MYO1D: variants seen among roughly 807,000 people sequenced by gnomAD.
MYO1D encodes unconventional myosin-Id.
A neutral mutation model predicts 122.0 loss-of-function variants in MYO1D; 83 were observed. That is an observed-to-expected ratio of 0.68 (90% CI 0.57 to 0.82). The LOEUF (loss-of-function observed/expected upper bound fraction) is 0.82, where lower values mean the gene tolerates loss of function less well. MYO1D is among the 40% of genes least tolerant of loss of function. The pLI is 0.00. For missense variants in MYO1D, 1,157 were observed against 1,269.5 expected, an observed-to-expected ratio of 0.91 and a Z score of 1.35; for synonymous variants, 464 against 446.9, an observed-to-expected ratio of 1.04 and a Z score of -0.48.
intron 21 of MYO1D, chr17:32,594,690 T>G: frequency 2.3e-6 from 1 of 432,386 alleles, no homozygotes; most frequent in Non-Finnish European, 4.1e-6. Context: ...TAAGGAGACA[T>G]CTATTCAGTT....
chr17:32,521,168 G>C (rs1039749818), intron 21 of MYO1D, among the ~76,000 whole-genome samples: 2 of 152,202 alleles, frequency 1.3e-5, no homozygotes, highest in African/African-American at 2.4e-5. Context: ...CCAGCAGGCT[G>C]TCTACTGATT....
chr17:32,509,482 C>T (rs1597864093), intron 21 of MYO1D, among the ~76,000 whole-genome samples: 1 of 152,270 alleles, frequency 6.6e-6, no homozygotes, highest in African/African-American at 2.4e-5. Flanking sequence ...AAACATGTTG[C>T]CATTTTTATG....
chr17:32,700,828 CAGCT>C (rs1218120319), intron 16 of MYO1D, among the ~76,000 whole-genome samples: 1 of 151,170 alleles, frequency 6.6e-6, no homozygotes, highest in African/African-American at 2.4e-5. Context: ...CCTGTAATAC[CAGCT>C]ACTTGGGAGG....
At chr17:32,667,584 A>G (rs2088653731) in intron 16 of MYO1D, among the ~76,000 whole-genome samples, 1 of 152,238 alleles carries the variant, frequency 6.6e-6, no homozygotes, top group Non-Finnish European at 1.5e-5. Context: ...AGAGCCACAC[A>G]CACACAAAAA....
chr17:32,708,845 T>A (rs776274596), intron 16 of MYO1D, among the ~76,000 whole-genome samples: 3 of 152,190 alleles, frequency 2.0e-5, no homozygotes, highest in African/African-American at 7.2e-5. Context: ...CCCTTCTCTT[T>A]TAGAATCTCT....
chr17:32,858,347 A>C (rs1248677400), intron 1 of MYO1D, among the ~76,000 whole-genome samples: 1 of 152,256 alleles, frequency 6.6e-6, no homozygotes, highest in Admixed American at 6.5e-5. Context: ...CAAATGCCCC[A>C]ATAAATGTCC....
At chr17:32,842,211 G>T (rs1250725672) in intron 1 of MYO1D, among the ~76,000 whole-genome samples, 1 of 151,728 alleles carries the variant, frequency 6.6e-6, no homozygotes, top group African/African-American at 2.4e-5. Flanking sequence ...TGGGAAGACA[G>T]GGATACAATG....
intron 8 of MYO1D, among the ~76,000 whole-genome samples, chr17:32,762,898 C>A (rs1195398259): frequency 1.0e-3 from 142 of 138,772 alleles, no homozygotes; most frequent in Middle Eastern, 3.9e-3. Context: ...AAAAAAAAGA[C>A]AAAAAAACGG....
chr17:32,787,653 G>A (rs1271225989), intron 1 of MYO1D, among the ~76,000 whole-genome samples: 2 of 152,070 alleles, frequency 1.3e-5, no homozygotes, highest in African/African-American at 2.4e-5. Flanking sequence ...TCTTGACCTC[G>A]TGATCTGCCA....
At chr17:32,643,517 C>T (rs1160648066) in intron 19 of MYO1D, among the ~76,000 whole-genome samples, 1 of 152,140 alleles carries the variant, frequency 6.6e-6, no homozygotes, top group Non-Finnish European at 1.5e-5. Context: ...CCTCCTTCTA[C>T]CTCTGGTAGC....
At chr17:32,698,243 T>G (rs1445511873) in intron 16 of MYO1D, among the ~76,000 whole-genome samples, 1 of 152,040 alleles carries the variant, frequency 6.6e-6, no homozygotes, top group Non-Finnish European at 1.5e-5. Flanking sequence ...TTTCTTTCTT[T>G]TCTCTTTTCT....
chr17:32,861,120 C>G lies in MYO1D; in HGVS notation c.95+15658G>C, dbSNP rs1016622057. ...GTCTCGCTCTGTTGCCCAGGCTGGA[C>G]TGCAGTGGCGCAACCTCAGCTCACT... On this transcript the variant is annotated intron_variant, in intron 1 of 21. Coordinates refer to ENST00000318217, the MANE Select transcript of MYO1D (RefSeq NM_015194.3). Among the ~76,000 whole-genome samples, 7 of 149,988 alleles carry G rather than the reference C, an allele frequency of 4.7e-5. No individual in the cohort carries two copies. In the East Asian group the frequency reaches 1.2e-3, roughly 25 times the overall value.
chr17:32,872,690 ATTT>A (rs780676467), intron 1 of MYO1D, among the ~76,000 whole-genome samples: 1 of 136,306 alleles, frequency 7.3e-6, no homozygotes, highest in Non-Finnish European at 1.6e-5. Flanking sequence ...ATCTAGGTCA[ATTT>A]TTTTTTTTTT....
intron 16 of MYO1D, among the ~76,000 whole-genome samples, chr17:32,662,086 G>A (rs1020013890): frequency 6.6e-6 from 1 of 152,054 alleles, no homozygotes; most frequent in Non-Finnish European, 1.5e-5. Context: ...TTACTTGTCA[G>A]GCACATTAAC....
At chr17:32,796,441 T>TCA (rs1298274463) in intron 1 of MYO1D, among the ~76,000 whole-genome samples, 1 of 152,164 alleles carries the variant, frequency 6.6e-6, no homozygotes, top group East Asian at 1.9e-4. Context: ...TGAGACTGTC[T>TCA]CACAGTGTTG....
intron 21 of MYO1D, among the ~76,000 whole-genome samples, chr17:32,587,521 A>AG (rs907570486): frequency 6.6e-6 from 1 of 152,158 alleles, no homozygotes; most frequent in African/African-American, 2.4e-5. Flanking sequence ...TCAAAAAAAA[A>AG]AAAAAAAAAG....
intron 10 of MYO1D, among the ~76,000 whole-genome samples, chr17:32,756,011 T>C (rs957564086): frequency 1.3e-5 from 2 of 152,134 alleles, no homozygotes; most frequent in Admixed American, 1.3e-4. Flanking sequence ...CCATTAACTG[T>C]AAGGTCCACC....
chr17:32,754,325 C>T (rs572027488), intron 11 of MYO1D, among the ~76,000 whole-genome samples: 7 of 152,316 alleles, frequency 4.6e-5, no homozygotes, highest in African/African-American at 1.7e-4. Context: ...ATGAGAAGCA[C>T]TTATTAGGTA....
At chr17:32,784,865 C>T (rs370905190) in intron 1 of MYO1D, among the ~76,000 whole-genome samples, 37 of 152,004 alleles carry the variant, frequency 2.4e-4, no homozygotes, top group African/African-American at 8.7e-4. Flanking sequence ...GTGGTTGGCC[C>T]AGTCAGAGTA....
Sources: gnomAD v4.1 joint callset for allele counts (sites outside exome capture counted in the v4.1 genomes callset) on GRCh38, gnomAD v4.1.1 for gene constraint, MANE v1.5 for transcripts, NCBI Gene and HGNC (gene_info 2026-07-23, HGNC 2026-07-21) for gene names.